The following HECW1 variants were observed in gnomAD, a reference collection of about 807,000 sequenced individuals.
The protein encoded by HECW1 is E3 ubiquitin-protein ligase HECW1.
HECW1 carries 61 observed loss-of-function variants against 182.3 expected under a neutral mutation model. The ratio of observed to expected loss-of-function variants is 0.33; its 90% CI spans 0.27 to 0.41. HECW1 has a LOEUF of 0.41. HECW1 is among the 10% of genes least tolerant of loss of function. HECW1 has a pLI of 1.00. For synonymous variants in HECW1, 859 were observed against 832.6 expected, an observed-to-expected ratio of 1.03 and a Z score of -0.55; for missense variants, 1,739 against 2,108.9, an observed-to-expected ratio of 0.82 and a Z score of 3.44.
intron 4 of HECW1, among the ~76,000 whole-genome samples, chr7:43,314,402 C>T (rs1307949772): frequency 6.6e-6 from 1 of 151,994 alleles, no homozygotes; most frequent in Non-Finnish European, 1.5e-5. Context: ...AGAAAGAGAG[C>T]ACCAGATAGT....
Position 43,112,763 on chromosome 7 carries a change from C to T in HECW1, c.-441C>T, listed in dbSNP as rs1784718669. On this transcript the variant is annotated 5_prime_UTR_variant, in exon 1 of 30. Transcript: ENST00000395891. ...CCCTCCGCCGTGACAGTGGCCGTGG[C>T]CTCCGCTCTCTCGGGGCACCCGGCA... 8.7e-6 allele frequency: 2 copies of T among 230,526 alleles called. No homozygotes were observed. The highest frequency in any genetic ancestry group is 1.7e-5 in the Non-Finnish European group (2 of 116,326). 14.3% of individuals were successfully genotyped at this position (230,526 alleles called of 1,614,324 possible). A position where few individuals can be genotyped will look rare whatever the true frequency, so the allele number is the denominator to read the frequency against.
At chr7:43,180,843 C>A (rs7808261) in intron 2 of HECW1, among the ~76,000 whole-genome samples, 34,418 of 152,120 alleles carry the variant, frequency 0.23, 4,140 homozygotes, top group Middle Eastern at 0.26. Flanking sequence ...TTCTTTGTAG[C>A]AAGAATATTT....
chr7:43,291,054 A>C (rs954130229), intron 3 of HECW1, among the ~76,000 whole-genome samples: 2 of 152,204 alleles, frequency 1.3e-5, no homozygotes, highest in Non-Finnish European at 2.9e-5. Context: ...GCAGGGGGGA[A>C]AAATAGTTTT....
intron 13 of HECW1, among the ~76,000 whole-genome samples, chr7:43,462,074 G>A (rs959969242): frequency 6.6e-6 from 1 of 152,224 alleles, no homozygotes; most frequent in African/African-American, 2.4e-5. Context: ...CGGGGCACTG[G>A]TCTGCAGAAA....
At position 43,311,916 on chromosome 7, in the gene HECW1, G is replaced by A. The variant is rs770727253; in HGVS notation, c.181G>A (p.Val61Ile). 9 of 1,614,080 alleles carry A rather than the reference G, an allele frequency of 5.6e-6. No individual in the cohort carries two copies. In the South Asian group the frequency reaches 8.8e-5, roughly 16 times the overall value. The change falls in exon 4 of 30, where the codon GTC (valine) becomes ATC (isoleucine). Residue 61 changes from valine to isoleucine, a missense_variant. Physicochemically the swap from Val to Ile is conservative, Grantham distance 29. This residue lies in a region of HECW1 where 279 missense variants were observed against 353.1 expected (regional missense o/e 0.79). Coordinates refer to ENST00000395891, the MANE Select transcript of HECW1 (RefSeq NM_015052.5). ...MDLRGGPHDG[V>I]TIPRSTSDTD... ...CCTCAGGGGCGGCCCCCACGATGGC[G>A]TCACCATTCCCCGCTCCACCAGCGA...
intron 6 of HECW1, among the ~76,000 whole-genome samples, chr7:43,383,999 G>A (rs2074669556): frequency 6.6e-6 from 1 of 152,178 alleles, no homozygotes; most frequent in Non-Finnish European, 1.5e-5. Context: ...ATTACATTGA[G>A]TAGACTGAGG....
chr7:43,463,574 G>A (rs967433104), intron 13 of HECW1, 86 bp from the exon 14 acceptor site: 1 of 1,278,964 alleles, frequency 7.8e-7, no homozygotes. Flanking sequence ...ATTCTTTACA[G>A]ATTTCTCCAA....
At chr7:43,282,536 G>T (rs186964590) in intron 3 of HECW1, among the ~76,000 whole-genome samples, 320 of 152,266 alleles carry the variant, frequency 2.1e-3, no homozygotes, top group Non-Finnish European at 3.2e-3. Flanking sequence ...AAGAGAGACC[G>T]AACATATGAT....
chr7:43,433,536 A>G (rs1667578246), intron 8 of HECW1, among the ~76,000 whole-genome samples: 1 of 152,240 alleles, frequency 6.6e-6, no homozygotes, highest in Admixed American at 6.5e-5. Context: ...TAAACAAAAG[A>G]AAGTTTACTT....
At chr7:43,306,427 C>T (rs757213965) in intron 3 of HECW1, among the ~76,000 whole-genome samples, 17 of 151,568 alleles carry the variant, frequency 1.1e-4, no homozygotes, top group South Asian at 2.1e-4. Flanking sequence ...GTAACAAAGC[C>T]GAGTGTAGGA....
At chr7:43,501,188 T>C (rs758103201) in intron 20 of HECW1, 25 bp from the exon 21 acceptor site, 67 of 908,088 alleles carry the variant, frequency 7.4e-5, no homozygotes, top group African/African-American at 2.5e-4. Context: ...TCTTTCTTTT[T>C]TTTTTTTTTT....
intron 8 of HECW1, among the ~76,000 whole-genome samples, chr7:43,430,263 T>C (rs980873018): frequency 2.0e-5 from 3 of 152,198 alleles, no homozygotes; most frequent in African/African-American, 7.2e-5. Flanking sequence ...CTCACATCCA[T>C]ATCCTCATCA....
chr7:43,271,622 T>C (rs1195767943), intron 3 of HECW1, among the ~76,000 whole-genome samples: 1 of 152,096 alleles, frequency 6.6e-6, no homozygotes, highest in African/African-American at 2.4e-5. Context: ...AATTGAGATA[T>C]CTAGGAATAC....
intron 3 of HECW1, among the ~76,000 whole-genome samples, chr7:43,273,932 A>T (rs570170290): frequency 6.6e-6 from 1 of 151,828 alleles, no homozygotes; most frequent in South Asian, 2.1e-4. Flanking sequence ...GCTCACTGCA[A>T]TCTCCACCTC....
In HECW1 at chr7:43,562,127, T is replaced by G. The variant is rs888981362; in HGVS notation, c.*201T>G. 6 of 551,102 alleles carry G rather than the reference T, an allele frequency of 1.1e-5. No homozygotes were observed. The highest frequency in any genetic ancestry group is 1.9e-5 in the African/African-American group (1 of 52,656). 34.1% of individuals were successfully genotyped at this position (551,102 alleles called of 1,614,324 possible). ...ATCTAACCTTCAGGCTTCTCTCCTCTGTTTTCAATGAACTGCTAGCCTGTA... is the reference window on the plus strand; with the variant it reads ...ATCTAACCTTCAGGCTTCTCTCCTCGGTTTTCAATGAACTGCTAGCCTGTA... On this transcript the variant is annotated 3_prime_UTR_variant, in exon 30 of 30. Transcript: ENST00000395891.
chr7:43,442,171 T>C (rs916112839), intron 9 of HECW1, among the ~76,000 whole-genome samples: 20 of 152,242 alleles, frequency 1.3e-4, no homozygotes, highest in African/African-American at 4.6e-4. Flanking sequence ...TACTTTATTA[T>C]AAAATAGTTT....
intron 2 of HECW1, among the ~76,000 whole-genome samples, chr7:43,213,439 A>ATTTTTTTTTTTTTTTTTTTTTTTTTTTTT (rs35199868): frequency 1.1e-5 from 1 of 92,484 alleles, no homozygotes; most frequent in African/African-American, 4.1e-5. Context: ...GATCATAAGA[A>ATTTTTTTTTTTTTTTTTTTTTTTTTTTTT]TTTTTTTTTT....
chr7:43,394,869 G>C (rs1584755428), intron 6 of HECW1, among the ~76,000 whole-genome samples: 1 of 152,220 alleles, frequency 6.6e-6, no homozygotes. Flanking sequence ...GCATTCAGGG[G>C]ACAGAGTTTT....
chr7:43,540,376 T>C (rs1404308124), intron 24 of HECW1, among the ~76,000 whole-genome samples: 2 of 152,120 alleles, frequency 1.3e-5, no homozygotes, highest in East Asian at 1.9e-4. Flanking sequence ...GGGGAAAGCA[T>C]AGGATGCTAG....
Sources: gnomAD v4.1 joint callset for allele counts (sites outside exome capture counted in the v4.1 genomes callset) on GRCh38, gnomAD v4.1.1 for gene constraint, gnomAD v4.1.1 regional missense constraint, MANE v1.5 for transcripts, NCBI Gene and HGNC (gene_info 2026-07-23, HGNC 2026-07-21) for gene names.